PALLD: variants seen among roughly 807,000 people sequenced by gnomAD.
PALLD encodes palladin, cytoskeletal associated protein.
In PALLD, 61 loss-of-function variants were observed where a neutral mutation model predicts 123.5. That is an observed-to-expected ratio of 0.49 (90% confidence interval 0.40 to 0.61). PALLD has a LOEUF of 0.61. Ranked by LOEUF, PALLD falls within the 20% of genes least tolerant of loss-of-function variation. The pLI is 0.00. For synonymous variants in PALLD, 465 were observed against 496.4 expected, an observed-to-expected ratio of 0.94 and a Z score of 0.84; for missense variants, 1,273 against 1,377.0, an observed-to-expected ratio of 0.92 and a Z score of 1.20.
At chr4:168,651,830 A>T (rs1418939170) in intron 2 of PALLD, among the ~76,000 whole-genome samples, 1 of 152,236 alleles carries the variant, frequency 6.6e-6, no homozygotes, top group Non-Finnish European at 1.5e-5. Flanking sequence ...GTTTACTTGA[A>T]CAAAAATGCA....
At chr4:168,870,695 G>C (rs569331625) in intron 10 of PALLD, among the ~76,000 whole-genome samples, 20 of 152,196 alleles carry the variant, frequency 1.3e-4, no homozygotes, top group African/African-American at 3.9e-4. Flanking sequence ...AAATCTAAAA[G>C]TTTATTAGGA....
intron 10 of PALLD, among the ~76,000 whole-genome samples, chr4:168,817,777 C>A (rs1385747248): frequency 6.6e-6 from 1 of 152,186 alleles, no homozygotes. Context: ...AATCAATTTA[C>A]TTATGTCTGC....
Position 168,924,276 on chromosome 4 carries a change from C to T in PALLD, c.3080C>T (p.Pro1027Leu). ...VVAAKEAHKP[P>L]VFIEKLQNTG... ...TTAGCTAAAGAAGCACACAAACCCC[C>T]TGTGTTTATTGAGAAGCTCCAAAAC... The change falls in exon 19 of 22, where the codon CCT becomes CTT. Residue 1027 changes from proline (P) to leucine (L), a missense_variant. By Grantham distance (98) the Pro-to-Leu change is moderately conservative. Coordinates refer to ENST00000505667, the MANE Select transcript of PALLD (RefSeq NM_001166108.2). The T allele has an allele frequency of 6.2e-7, 1 of 1,613,976 alleles. No homozygotes were observed. Among genetic ancestry groups the T allele is most frequent in the Non-Finnish European group, 8.5e-7 (1 of 1,179,880 alleles).
At chr4:168,903,611 T>C (rs1757014326) in intron 14 of PALLD, 146 bp from the exon 15 acceptor site, 2 of 660,972 alleles carry the variant, frequency 3.0e-6, no homozygotes, top group Non-Finnish European at 5.4e-6. Flanking sequence ...CAGTGAAAAA[T>C]CAATTCCTTA....
intron 2 of PALLD, among the ~76,000 whole-genome samples, chr4:168,513,193 C>T (rs140448165): frequency 6.6e-6 from 1 of 152,128 alleles, no homozygotes; most frequent in East Asian, 1.9e-4. Context: ...ACACACACAC[C>T]CCTTCAATGT....
Position 168,583,150 on chromosome 4 carries a change from A to T in PALLD, c.908+70738A>T, listed in dbSNP as rs533610982. Among the ~76,000 whole-genome samples the T allele has an allele frequency of 7.2e-5, 11 of 152,326 alleles. No homozygotes were observed. The South Asian group carries it at 2.3e-3, about 32-fold the overall frequency. On this transcript the variant is annotated intron_variant, in intron 2 of 21. Coordinates refer to ENST00000505667, the MANE Select transcript of PALLD (RefSeq NM_001166108.2). Reference sequence around the variant, plus strand: ...AGAGAAAAGACCAAGTAGAATATGTACAAAACTAAAATAAATACAGAGACA... The same window carrying T: ...AGAGAAAAGACCAAGTAGAATATGTTCAAAACTAAAATAAATACAGAGACA...
At chr4:168,742,859 A>G (rs1165340117) in intron 10 of PALLD, among the ~76,000 whole-genome samples, 1 of 152,202 alleles carries the variant, frequency 6.6e-6, no homozygotes, top group Non-Finnish European at 1.5e-5. Flanking sequence ...TATTGAATGT[A>G]GTTGGATTTC....
intron 8 of PALLD, among the ~76,000 whole-genome samples, chr4:168,697,541 G>A (rs989466526): frequency 6.6e-6 from 1 of 152,204 alleles, no homozygotes; most frequent in Admixed American, 6.5e-5. Flanking sequence ...TGGCAGGGCG[G>A]TAAGCCTGAC....
chr4:168,612,714 A>AT (rs1773857303), intron 2 of PALLD, among the ~76,000 whole-genome samples: 2 of 152,220 alleles, frequency 1.3e-5, no homozygotes, highest in African/African-American at 2.4e-5. Context: ...AATATCTATA[A>AT]ATTTTTTTCC....
chr4:168,524,892 A>C (rs1201907086), intron 2 of PALLD, among the ~76,000 whole-genome samples: 1 of 152,162 alleles, frequency 6.6e-6, no homozygotes, highest in East Asian at 1.9e-4. Context: ...TACTCTTAGC[A>C]ACAACCTTCC....
intron 10 of PALLD, among the ~76,000 whole-genome samples, chr4:168,848,455 A>C (rs371950666): frequency 9.2e-5 from 14 of 152,122 alleles, no homozygotes; most frequent in African/African-American, 2.2e-4. Context: ...TTAGACACAG[A>C]TCTACTTGGT....
At chr4:168,886,211 C>T (rs1753314030) in intron 10 of PALLD, among the ~76,000 whole-genome samples, 1 of 152,080 alleles carries the variant, frequency 6.6e-6, no homozygotes. Context: ...ATGATGTCAT[C>T]AGGCATTAAC....
chr4:168,705,876 C>T (rs1388499464), intron 8 of PALLD, among the ~76,000 whole-genome samples: 2 of 152,272 alleles, frequency 1.3e-5, no homozygotes, highest in African/African-American at 4.8e-5. Context: ...CTCCTGACCT[C>T]AAGTGATCCG....
At chr4:168,592,201 G>T (rs1416525394) in intron 2 of PALLD, among the ~76,000 whole-genome samples, 3 of 151,798 alleles carry the variant, frequency 2.0e-5, no homozygotes, top group East Asian at 3.9e-4. Flanking sequence ...TAGATATGGG[G>T]TTTTAGCAGA....
At chr4:168,833,478 GGACA>G (rs757729464) in intron 10 of PALLD, among the ~76,000 whole-genome samples, 53 of 152,250 alleles carry the variant, frequency 3.5e-4, no homozygotes, top group Middle Eastern at 3.4e-3. Flanking sequence ...CACGAGAAAA[GGACA>G]GAGGGACCGA....
Position 168,755,196 on chromosome 4 carries a change from G to A in PALLD, c.1964+43273G>A, listed in dbSNP as rs149921886. 2.1e-5 allele frequency among the ~76,000 whole-genome samples: 3 copies of A among 146,216 alleles called. 1 individual carries two copies. Among genetic ancestry groups the A allele is most frequent in the African/African-American group, 7.7e-5 (3 of 39,204 alleles). On this transcript the variant is annotated intron_variant, in intron 10 of 21. Transcript: ENST00000505667. ...TGCGGTGAGCCGAGATTGCACCACTGCACTCCAGCCTGGGCGAGAGAGCAA... is the reference window on the plus strand; with the variant it reads ...TGCGGTGAGCCGAGATTGCACCACTACACTCCAGCCTGGGCGAGAGAGCAA...
chr4:168,878,212 G>T, intron 10 of PALLD: 1 of 1,518,374 alleles, frequency 6.6e-7, no homozygotes. Flanking sequence ...TGCCCGACGT[G>T]TTCCCACTGC....
intron 8 of PALLD, among the ~76,000 whole-genome samples, chr4:168,691,671 TAAC>T (rs1782646428): frequency 6.6e-6 from 1 of 152,108 alleles, no homozygotes; most frequent in Admixed American, 6.5e-5. Flanking sequence ...CAGAACCCAC[TAAC>T]AACCCCAGCT....
intron 2 of PALLD, among the ~76,000 whole-genome samples, chr4:168,632,623 G>GAACAACT (rs1411442456): frequency 8.5e-5 from 13 of 152,090 alleles, no homozygotes; most frequent in Non-Finnish European, 1.3e-4. Flanking sequence ...AGTTGGCGGT[G>GAACAACT]GTTCTTAGGG....
Sources: gnomAD v4.1 joint callset for allele counts (sites outside exome capture counted in the v4.1 genomes callset) on GRCh38, gnomAD v4.1.1 for gene constraint, MANE v1.5 for transcripts, NCBI Gene and HGNC (gene_info 2026-07-23, HGNC 2026-07-21) for gene names.